CSMD2: variants seen among roughly 807,000 people sequenced by gnomAD.
The protein encoded by CSMD2 is CUB and sushi domain-containing protein 2.
CSMD2 carries 130 observed loss-of-function variants against 398.5 expected under a neutral mutation model. The ratio of observed to expected loss-of-function variants is 0.33; its 90% CI spans 0.28 to 0.38. The LOEUF is 0.38. CSMD2 is among the 10% of genes least tolerant of loss of function. The pLI is 1.00. For missense variants in CSMD2, 3,829 were observed against 4,764.9 expected, an observed-to-expected ratio of 0.80 and a Z score of 5.78; for synonymous variants, 1,828 against 1,908.5, an observed-to-expected ratio of 0.96 and a Z score of 1.10.
chr1:33,941,859 A>G (rs1387385252), intron 3 of CSMD2, among the ~76,000 whole-genome samples: 1 of 151,830 alleles, frequency 6.6e-6, no homozygotes, highest in African/African-American at 2.4e-5. Context: ...ATAATTATAC[A>G]TTTTATATAT....
chr1:33,540,834 CT>C, intron 59 of CSMD2, 136 bp from the exon 60 acceptor site: 1 of 965,926 alleles, frequency 1.0e-6, no homozygotes, highest in Non-Finnish European at 1.5e-6. Flanking sequence ...ATGGGGCCCT[CT>C]TACTGTGGGA....
At chr1:33,906,175 G>A (rs1190634555) in intron 5 of CSMD2, among the ~76,000 whole-genome samples, 2 of 152,204 alleles carry the variant, frequency 1.3e-5, no homozygotes, top group African/African-American at 2.4e-5. Flanking sequence ...TCTTTGTGGT[G>A]TTATACCACT....
intron 5 of CSMD2, among the ~76,000 whole-genome samples, chr1:33,854,562 C>G (rs1031697853): frequency 6.6e-6 from 1 of 152,234 alleles, no homozygotes; most frequent in African/African-American, 2.4e-5. Flanking sequence ...GGCTGTGCCC[C>G]ACTACCTGCT....
At chr1:33,730,273 C>T (rs1646677622) in intron 15 of CSMD2, among the ~76,000 whole-genome samples, 1 of 152,136 alleles carries the variant, frequency 6.6e-6, no homozygotes, top group Admixed American at 6.5e-5. Flanking sequence ...CATATTCACT[C>T]ATATTAACAA....
At chr1:33,914,385 AGTGT>A (rs72433922) in intron 5 of CSMD2, among the ~76,000 whole-genome samples, 232 of 139,788 alleles carry the variant, frequency 1.7e-3, no homozygotes, top group African/African-American at 2.3e-3. Context: ...ACGATTTGGC[AGTGT>A]GTGTGTGTGT....
rs1309706794 is a variant in CSMD2, at chr1:33,597,432, T to G, written c.6856+3433A>C. On this transcript the variant is annotated intron_variant, in intron 44 of 70. Transcript: ENST00000373381. The stretch of plus-strand genomic sequence containing the variant: ...TTTGTCCTCTTGGTTACTCATTATC[T>G]CTTTCTCCTTGGAGCAGGAAAGCTG... 2.0e-5 allele frequency among the ~76,000 whole-genome samples: 3 copies of G among 152,240 alleles called. 1 individual carries two copies. Among genetic ancestry groups the G allele is most frequent in the Admixed American group, 2.0e-4 (3 of 15,284 alleles).
intron 10 of CSMD2, among the ~76,000 whole-genome samples, chr1:33,807,249 C>A (rs995807527): frequency 5.9e-5 from 9 of 152,070 alleles, no homozygotes; most frequent in Non-Finnish European, 1.2e-4. Context: ...CTTTCAAGAA[C>A]AAGGGTAAGC....
chr1:33,706,010 T>C, intron 22 of CSMD2, among the ~76,000 whole-genome samples: 1 of 152,134 alleles, frequency 6.6e-6, no homozygotes, highest in Non-Finnish European at 1.5e-5. Context: ...CATTTCTGCC[T>C]TTATCTTTAA....
At chr1:33,544,319 G>T (rs899334190) in intron 57 of CSMD2, among the ~76,000 whole-genome samples, 24 of 145,254 alleles carry the variant, frequency 1.7e-4, no homozygotes, top group African/African-American at 5.0e-4. Context: ...GGGTTTCACC[G>T]TATTAGCCAG....
intron 41 of CSMD2, 104 bp from the exon 42 acceptor site, chr1:33,605,574 C>T (rs575560531): frequency 1.7e-6 from 2 of 1,160,056 alleles, no homozygotes; most frequent in South Asian, 1.5e-5. Flanking sequence ...TCAGATGGAC[C>T]TTTGTCATGT....
rs147405205 is a variant in CSMD2 at position 33,849,912 on chromosome 1, A to G, written c.921-2916T>C. Among the ~76,000 whole-genome samples the G allele has an allele frequency of 3.8e-3, 584 of 152,314 alleles. 4 individuals carry two copies. Among genetic ancestry groups the G allele is most frequent in the African/African-American group, 0.014 (562 of 41,572 alleles). On this transcript the variant is annotated intron_variant, in intron 5 of 70. Coordinates refer to ENST00000373381, the MANE Select transcript of CSMD2 (RefSeq NM_001281956.2). ...AACAAAACGAACCTTCAATGGATCC[A>G]ATCCTCAGGGTAAAAGACCTTATTA...
At position 33,758,853 on chromosome 1, in the gene CSMD2, C is replaced by T. The variant is rs1472250515; in HGVS notation, c.1846+13716G>A. Among the ~76,000 whole-genome samples the T allele has an allele frequency of 3.3e-5, 5 of 152,160 alleles. No homozygotes were observed. The South Asian group carries it at 6.2e-4, about 19-fold the overall frequency. On this transcript the variant is annotated intron_variant, in intron 13 of 70. Coordinates refer to ENST00000373381, the MANE Select transcript of CSMD2 (RefSeq NM_001281956.2). ...TGGCTCTGTTCCCTGAAGCTTCTGC[C>T]TTCTGGCATGAGAACAACATGCTCT...
rs1645900256 is a variant in CSMD2 at position 33,709,078 on chromosome 1, A to T, written c.3576+11T>A. ...CTATAACACACATACTCTGAAATCG[A>T]TCAATTTTACCTTGAGGACATCTCC... On this transcript the variant is annotated intron_variant, in intron 22 of 70. Coordinates refer to ENST00000373381, the MANE Select transcript of CSMD2 (RefSeq NM_001281956.2). The T allele has an allele frequency of 6.2e-7, 1 of 1,605,804 alleles. No individual in the cohort carries two copies. The highest frequency in any genetic ancestry group is 1.3e-5 in the African/African-American group (1 of 74,702).
In CSMD2 at chr1:33,743,293, G is replaced by A. The variant is rs1175445093; in HGVS notation, c.2160C>T (p.Asn720=). ...TDHSTGKRGF[N]ITFTTFRHNE... ...GGGAGGACTCACTGGTAAAAGTGAT[G>A]TTGAAGCCCCTCTTCCCTGTGGAGT... is the stretch of plus-strand genomic sequence containing the variant. The change falls in exon 14 of 71, where the codon AAC becomes AAT. Residue 720 remains asparagine, a synonymous_variant. Coordinates refer to ENST00000373381, the MANE Select transcript of CSMD2 (RefSeq NM_001281956.2). The A allele has an allele frequency of 1.2e-6, 2 of 1,603,758 alleles. No individual in the cohort carries two copies. The highest frequency in any genetic ancestry group is 1.7e-6 in the Non-Finnish European group (2 of 1,173,394).
chr1:34,142,412 T>A (rs1639386009), intron 1 of CSMD2, among the ~76,000 whole-genome samples: 1 of 152,104 alleles, frequency 6.6e-6, no homozygotes, highest in Non-Finnish European at 1.5e-5. Flanking sequence ...GAGACGCAAG[T>A]CCTGAAATTC....
At chr1:34,143,054 T>C (rs778163171) in intron 1 of CSMD2, among the ~76,000 whole-genome samples, 2 of 152,134 alleles carry the variant, frequency 1.3e-5, no homozygotes, top group Non-Finnish European at 2.9e-5. Flanking sequence ...GTGTGATCTT[T>C]GGGCAAGTCA....
chr1:34,059,063 G>T (rs1299940817), intron 2 of CSMD2, among the ~76,000 whole-genome samples: 1 of 152,196 alleles, frequency 6.6e-6, no homozygotes, highest in Non-Finnish European at 1.5e-5. Context: ...AGAAGCATGA[G>T]GGGTCATGGC....
chr1:34,022,294 TCCCATGGA>T (rs1302185316), intron 3 of CSMD2, among the ~76,000 whole-genome samples: 2 of 152,102 alleles, frequency 1.3e-5, no homozygotes, highest in African/African-American at 4.8e-5. Flanking sequence ...CCTACAACAA[TCCCATGGA>T]GTAGGGTTTA....
At chr1:34,006,932 CTG>C (rs1316365578) in intron 3 of CSMD2, among the ~76,000 whole-genome samples, 12 of 152,044 alleles carry the variant, frequency 7.9e-5, no homozygotes, top group Non-Finnish European at 1.5e-4. Flanking sequence ...GGCATGGAAA[CTG>C]TGACACGCTC....
Sources: gnomAD v4.1 joint callset for allele counts (sites outside exome capture counted in the v4.1 genomes callset) on GRCh38, gnomAD v4.1.1 for gene constraint, MANE v1.5 for transcripts, NCBI Gene and HGNC (gene_info 2026-07-23, HGNC 2026-07-21) for gene names.